The following SDK1 variants were observed in gnomAD, a reference collection of about 807,000 sequenced individuals.
SDK1 encodes protein sidekick-1.
A neutral mutation model predicts 245.5 loss-of-function variants in SDK1; 157 were observed. The observed-to-expected ratio is 0.64, with a 90% CI of 0.56 to 0.73. SDK1 has a LOEUF of 0.73. Among genes scored for constraint, SDK1 ranks in the 30% least tolerant of loss-of-function variants. SDK1 has a pLI of 0.00. For missense variants in SDK1, 3,583 were observed against 3,002.3 expected, an observed-to-expected ratio of 1.19 and a Z score of -4.52; for synonymous variants, 1,647 against 1,278.5, an observed-to-expected ratio of 1.29 and a Z score of -6.15.
intron 40 of SDK1, among the ~76,000 whole-genome samples, chr7:4,225,344 T>C (rs1270079249): frequency 6.6e-6 from 1 of 152,174 alleles, no homozygotes; most frequent in East Asian, 1.9e-4. Context: ...AAAGCCACGG[T>C]GTCCGTCCTC....
At chr7:3,972,299 T>C (rs1782551395) in intron 12 of SDK1, among the ~76,000 whole-genome samples, 1 of 152,154 alleles carries the variant, frequency 6.6e-6, no homozygotes. Context: ...CAGGATGGTC[T>C]CGATGTCTTG....
At chr7:4,129,356 CT>C (rs1784630208) in intron 26 of SDK1, among the ~76,000 whole-genome samples, 1 of 142,552 alleles carries the variant, frequency 7.0e-6, no homozygotes, top group Non-Finnish European at 1.5e-5. Flanking sequence ...AGGACAGCAG[CT>C]TGGGGTTGGG....
At chr7:4,168,366 A>C (rs1781627682) in intron 32 of SDK1, among the ~76,000 whole-genome samples, 1 of 152,212 alleles carries the variant, frequency 6.6e-6, no homozygotes, top group South Asian at 2.1e-4. Context: ...CTGTTGGGCA[A>C]GGCGGATTGG....
intron 5 of SDK1, among the ~76,000 whole-genome samples, chr7:3,913,979 C>T (rs1490682119): frequency 1.3e-5 from 2 of 152,302 alleles, no homozygotes; most frequent in East Asian, 3.9e-4. Context: ...ATACTCCCTT[C>T]CCTGATGGTG....
chr7:3,331,275 C>CA (rs996856868), intron 1 of SDK1, among the ~76,000 whole-genome samples: 5 of 151,958 alleles, frequency 3.3e-5, no homozygotes, highest in Non-Finnish European at 5.9e-5. Context: ...AAAAAGAAAA[C>CA]AAAAAACAAA....
intron 44 of SDK1, among the ~76,000 whole-genome samples, chr7:4,246,761 GA>G (rs1473081821): frequency 1.3e-5 from 2 of 152,132 alleles, no homozygotes; most frequent in Non-Finnish European, 2.9e-5. Context: ...TTCCCCGAGG[GA>G]GTGTCAGCCT....
intron 1 of SDK1, among the ~76,000 whole-genome samples, chr7:3,591,077 A>G (rs1583203125): frequency 6.6e-6 from 1 of 152,168 alleles, no homozygotes; most frequent in African/African-American, 2.4e-5. Context: ...ATCATTCTTT[A>G]ATCATATTAT....
intron 1 of SDK1, among the ~76,000 whole-genome samples, chr7:3,465,781 G>A (rs1180996867): frequency 6.6e-6 from 1 of 152,132 alleles, no homozygotes; most frequent in African/African-American, 2.4e-5. Context: ...TCTCTGAATG[G>A]CTTTGCAGCC....
At chr7:3,537,558 G>T (rs994853351) in intron 1 of SDK1, among the ~76,000 whole-genome samples, 1 of 152,128 alleles carries the variant, frequency 6.6e-6, no homozygotes, top group African/African-American at 2.4e-5. Flanking sequence ...GACTCTTTGG[G>T]GTTGAAAAGA....
chr7:4,086,973 T>C (rs1010686602), intron 22 of SDK1, among the ~76,000 whole-genome samples: 1 of 151,410 alleles, frequency 6.6e-6, no homozygotes, highest in African/African-American at 2.4e-5. Context: ...ATCCCTCTTC[T>C]GCAGATGGTA....
At chr7:4,242,239 C>T (rs566541793) in intron 43 of SDK1, among the ~76,000 whole-genome samples, 1 of 152,132 alleles carries the variant, frequency 6.6e-6, no homozygotes, top group Non-Finnish European at 1.5e-5. Flanking sequence ...CTGGGCGTTC[C>T]TAGTTCATGG....
chr7:3,478,921 C>G (rs757305823), intron 1 of SDK1, among the ~76,000 whole-genome samples: 10 of 151,812 alleles, frequency 6.6e-5, no homozygotes, highest in Non-Finnish European at 1.0e-4. Context: ...TTTATGATTT[C>G]TTCTTTAATC....
chr7:3,682,926 G>T (rs1454033275), intron 4 of SDK1, among the ~76,000 whole-genome samples: 1 of 152,036 alleles, frequency 6.6e-6, no homozygotes, highest in African/African-American at 2.4e-5. Context: ...TAGAGACGGG[G>T]TTTCACCATG....
intron 8 of SDK1, among the ~76,000 whole-genome samples, chr7:3,962,249 G>A (rs1305157560): frequency 6.6e-6 from 1 of 152,234 alleles, no homozygotes; most frequent in Non-Finnish European, 1.5e-5. Flanking sequence ...GATGTGGCCT[G>A]TGTCCTGTCC....
chr7:4,133,297 C>T (rs999721819), intron 28 of SDK1, among the ~76,000 whole-genome samples: 1 of 152,218 alleles, frequency 6.6e-6, no homozygotes, highest in Non-Finnish European at 1.5e-5. Flanking sequence ...TATTTTAAAA[C>T]ATCCCAGTTC....
At chr7:3,561,067 T>G (rs530358775) in intron 1 of SDK1, among the ~76,000 whole-genome samples, 1 of 152,182 alleles carries the variant, frequency 6.6e-6, no homozygotes, top group South Asian at 2.1e-4. Flanking sequence ...TGAATTTCTT[T>G]CCTTCCCTTC....
At chr7:3,523,022 G>A (rs542497794) in intron 1 of SDK1, among the ~76,000 whole-genome samples, 20 of 33,076 alleles carry the variant, frequency 6.0e-4, no homozygotes, top group Admixed American at 2.7e-3. Flanking sequence ...ATACAAAATC[G>A]TAAATTGGTA....
chr7:3,394,375 G>A (rs893114726), intron 1 of SDK1, among the ~76,000 whole-genome samples: 4 of 152,152 alleles, frequency 2.6e-5, no homozygotes, highest in South Asian at 2.1e-4. Flanking sequence ...TGCTGGATTC[G>A]TAATTATGTG....
intron 4 of SDK1, among the ~76,000 whole-genome samples, chr7:3,815,974 A>G (rs1351653280): frequency 6.1e-4 from 87 of 143,686 alleles, no homozygotes; most frequent in African/African-American, 2.3e-3. Context: ...TGGAAACTGA[A>G]CAACCTGCTC....
Sources: allele counts gnomAD v4.1 joint callset (sites outside exome capture counted in the v4.1 genomes callset), GRCh38; gene constraint gnomAD v4.1.1; transcripts MANE v1.5; gene names NCBI Gene and HGNC (gene_info 2026-07-23, HGNC 2026-07-21).